Variants in CACNA2D1 observed in about 807,000 individuals in gnomAD.
CACNA2D1 encodes voltage-dependent calcium channel subunit alpha-2/delta-1.
A neutral mutation model predicts 171.5 loss-of-function variants in CACNA2D1; 53 were observed. That is an observed-to-expected ratio of 0.31 (90% confidence interval 0.25 to 0.39). The LOEUF (loss-of-function observed/expected upper bound fraction) is 0.39, where lower values mean the gene tolerates loss of function less well. CACNA2D1 is among the 10% of genes least tolerant of loss of function. The pLI is 1.00. For synonymous variants in CACNA2D1, 442 were observed against 443.1 expected (o/e 1.00, Z 0.03); for missense variants, 903 against 1,299.8 (o/e 0.69, Z 4.69).
intron 1 of CACNA2D1, among the ~76,000 whole-genome samples, chr7:82,438,068 C>T (rs79837401): frequency 0.021 from 3,136 of 152,148 alleles, 104 homozygotes; most frequent in East Asian, 0.12. Flanking sequence ...TTTTTAATTA[C>T]TTGTCAATTA....
intron 4 of CACNA2D1, among the ~76,000 whole-genome samples, chr7:82,156,633 AATTT>A (rs1794402366): frequency 1.2e-5 from 1 of 86,892 alleles, no homozygotes; most frequent in East Asian, 3.7e-4. Flanking sequence ...ATAGTAAATA[AATTT>A]ATTTTCTTTT....
At chr7:82,131,575 G>T (rs994466376) in intron 5 of CACNA2D1, among the ~76,000 whole-genome samples, 5 of 152,058 alleles carry the variant, frequency 3.3e-5, no homozygotes, top group African/African-American at 1.2e-4. Context: ...AATCCCCATT[G>T]AAACATACTG....
intron 24 of CACNA2D1, among the ~76,000 whole-genome samples, chr7:81,981,699 AAAG>A (rs1407300812): frequency 6.6e-6 from 1 of 152,192 alleles, no homozygotes; most frequent in Non-Finnish European, 1.5e-5. Flanking sequence ...CTGAGGAAAG[AAAG>A]AAGAATAAAG....
chr7:82,418,001 T>A (rs1585890678), intron 1 of CACNA2D1, among the ~76,000 whole-genome samples: 1 of 152,302 alleles, frequency 6.6e-6, no homozygotes, highest in East Asian at 1.9e-4. Flanking sequence ...TAGACTGTTC[T>A]CAAGCTGCTA....
At chr7:82,064,455 CCAAG>C (rs1439648455) in intron 8 of CACNA2D1, 101 bp from the exon 9 acceptor site, 11 of 808,840 alleles carry the variant, frequency 1.4e-5, no homozygotes, top group Middle Eastern at 3.0e-4. Context: ...GTTTTTTTCC[CCAAG>C]CAAAGACCCA....
At chr7:82,088,091 T>G (rs1810698964) in intron 6 of CACNA2D1, among the ~76,000 whole-genome samples, 1 of 152,138 alleles carries the variant, frequency 6.6e-6, no homozygotes, top group Non-Finnish European at 1.5e-5. Context: ...TTTTTTTGTT[T>G]TGTTTTGTTT....
At chr7:82,374,126 T>A (rs1365073394) in intron 1 of CACNA2D1, among the ~76,000 whole-genome samples, 1 of 152,198 alleles carries the variant, frequency 6.6e-6, no homozygotes, top group Non-Finnish European at 1.5e-5. Flanking sequence ...CAGGGAACAT[T>A]ACACTTCCTC....
At chr7:82,143,721 G>A (rs1792662160) in intron 4 of CACNA2D1, among the ~76,000 whole-genome samples, 1 of 152,094 alleles carries the variant, frequency 6.6e-6, no homozygotes, top group Non-Finnish European at 1.5e-5. Context: ...CAGTCTACAT[G>A]TACACCTCCA....
chr7:82,216,884 C>A (rs1801159414), intron 3 of CACNA2D1, among the ~76,000 whole-genome samples: 1 of 95,422 alleles, frequency 1.0e-5, no homozygotes, highest in Non-Finnish European at 2.2e-5. Context: ...GCTGTTAAGC[C>A]TAAATCCAAA....
intron 10 of CACNA2D1, among the ~76,000 whole-genome samples, chr7:82,045,912 T>C (rs1486141696): frequency 6.6e-6 from 1 of 152,126 alleles, no homozygotes. Context: ...GCAAATTCCC[T>C]GACGCACTTT....
At chr7:82,071,092 C>T (rs550210921) in intron 7 of CACNA2D1, among the ~76,000 whole-genome samples, 111 of 152,238 alleles carry the variant, frequency 7.3e-4, no homozygotes, top group Non-Finnish European at 1.5e-3. Context: ...GTGTTACTAA[C>T]GAAACCACAA....
intron 3 of CACNA2D1, among the ~76,000 whole-genome samples, chr7:82,258,160 T>A (rs558642485): frequency 1.3e-5 from 2 of 152,226 alleles, no homozygotes; most frequent in Admixed American, 1.3e-4. Flanking sequence ...AAGGAATGAA[T>A]CCAGCACTCC....
chr7:82,208,824 G>C (rs1349038936), intron 3 of CACNA2D1, among the ~76,000 whole-genome samples: 1 of 151,992 alleles, frequency 6.6e-6, no homozygotes, highest in African/African-American at 2.4e-5. Context: ...TGCTAAGAGA[G>C]TACATTTTGT....
chr7:82,294,736 A>G (rs1812057698), intron 3 of CACNA2D1, among the ~76,000 whole-genome samples: 1 of 152,146 alleles, frequency 6.6e-6, no homozygotes, highest in Admixed American at 6.5e-5. Flanking sequence ...GAAAATTTAA[A>G]CCAACAGCCT....
At position 82,405,937 on chromosome 7, in the gene CACNA2D1, C is replaced by T. The variant is rs572665983; in HGVS notation, c.95+37428G>A. On this transcript the variant is annotated intron_variant, in intron 1 of 38. Transcript: ENST00000356860. ...TAAGTTCTAGGGTACCTGCGCACAA[C>T]GTGCAGGTTTGTTACATATGTATCC... Among the ~76,000 whole-genome samples, 63 of 152,184 alleles carry T rather than the reference C, an allele frequency of 4.1e-4. No individual in the cohort carries two copies. In the South Asian group the frequency reaches 0.012, roughly 29 times the overall value.
chr7:82,008,201 C>T (rs1275228029), intron 15 of CACNA2D1, among the ~76,000 whole-genome samples: 1 of 151,884 alleles, frequency 6.6e-6, no homozygotes, highest in Non-Finnish European at 1.5e-5. Context: ...ATGCCCTAAG[C>T]CAAAGACTTC....
At chr7:82,121,453 G>C (rs1262410592) in intron 5 of CACNA2D1, among the ~76,000 whole-genome samples, 1 of 152,208 alleles carries the variant, frequency 6.6e-6, no homozygotes, top group Non-Finnish European at 1.5e-5. Flanking sequence ...TGAATAGAAA[G>C]AGGTGTGGAA....
In CACNA2D1 at chr7:82,085,345, T is replaced by C. The variant is rs73379589; in HGVS notation, c.527-445A>G. Among the ~76,000 whole-genome samples, 1,031 of 152,178 alleles carry C rather than the reference T, an allele frequency of 6.8e-3. 4 individuals are homozygous for C. The highest frequency in any genetic ancestry group is 0.024 in the African/African-American group (983 of 41,524). On this transcript the variant is annotated intron_variant, in intron 6 of 38. Transcript: ENST00000356860. Reference sequence around the variant, plus strand: ...TGGCCCCTGCGGGCAAAATCACTCCTGCTTGAGAACTACTGTGACACATAG... The same window carrying C: ...TGGCCCCTGCGGGCAAAATCACTCCCGCTTGAGAACTACTGTGACACATAG...
At chr7:82,069,479 G>A (rs1808058105) in intron 7 of CACNA2D1, among the ~76,000 whole-genome samples, 1 of 152,124 alleles carries the variant, frequency 6.6e-6, no homozygotes, top group Admixed American at 6.6e-5. Context: ...GTTTTCCCCT[G>A]ATCAAAAATG....
Sources: allele counts gnomAD v4.1 joint callset (sites outside exome capture counted in the v4.1 genomes callset), GRCh38; gene constraint gnomAD v4.1.1; transcripts MANE v1.5; gene names NCBI Gene and HGNC (gene_info 2026-07-23, HGNC 2026-07-21).